The following RAI1 variants were observed in gnomAD, a reference collection of about 807,000 sequenced individuals.
RAI1 encodes retinoic acid-induced protein 1.
In RAI1, 9 loss-of-function variants were observed where a neutral mutation model predicts 123.8. The observed-to-expected ratio is 0.07, with a 90% CI of 0.04 to 0.13. The LOEUF is 0.13. Among genes scored for constraint, RAI1 ranks in the 10% least tolerant of loss-of-function variants. RAI1 has a pLI of 1.00. For synonymous variants in RAI1, 1,231 were observed against 1,127.3 expected, an observed-to-expected ratio of 1.09 and a Z score of -1.84; for missense variants, 2,256 against 2,545.8, an observed-to-expected ratio of 0.89 and a Z score of 2.45.
At chr17:17,778,978 T>C (rs2031459185) in intron 2 of RAI1, 1 of 445,668 alleles carries the variant, frequency 2.2e-6, no homozygotes, top group Non-Finnish European at 4.6e-6. Context: ...GCAGAAAGTA[T>C]TCTGTTCACT....
intron 1 of RAI1, among the ~76,000 whole-genome samples, chr17:17,695,721 C>T (rs959232292): frequency 6.6e-6 from 1 of 152,152 alleles, no homozygotes; most frequent in East Asian, 1.9e-4. Flanking sequence ...GAGGTTTCAC[C>T]TCGTTGGCCA....
chr17:17,768,155 A>G (rs1567887158), intron 2 of RAI1, among the ~76,000 whole-genome samples: 3 of 152,218 alleles, frequency 2.0e-5, no homozygotes. Context: ...TGCAGCATTC[A>G]GCAGAATGCC....
At chr17:17,717,714 G>A (rs1360090360) in intron 1 of RAI1, among the ~76,000 whole-genome samples, 2 of 152,152 alleles carry the variant, frequency 1.3e-5, no homozygotes, top group Non-Finnish European at 2.9e-5. Context: ...CCTCTTTTAA[G>A]TTCAGCAGAT....
At position 17,793,860 on chromosome 17, in the gene RAI1, T is replaced by C. The variant is rs1389070643; in HGVS notation, c.912T>C (p.His304=). Residue 304 remains histidine, a synonymous_variant, in exon 3 of 6, where the codon CAT becomes CAC. Coordinates refer to ENST00000353383, the MANE Select transcript of RAI1 (RefSeq NM_030665.4). ...QSRHHAQETL[H]YQNLAKYQHY... is the part of the protein sequence containing the mutation. Reference sequence around the variant, plus strand: ...GGCACCATGCCCAGGAAACCCTCCATTACCAAAACCTCGCCAAGTATCAGC... The same window carrying C: ...GGCACCATGCCCAGGAAACCCTCCACTACCAAAACCTCGCCAAGTATCAGC... 6.2e-7 allele frequency: 1 copy of C among 1,613,336 alleles called. No homozygotes were observed. The highest frequency in any genetic ancestry group is 2.2e-5 in the East Asian group (1 of 44,860).
chr17:17,741,082 AGCGC>A (rs66765962), intron 2 of RAI1, among the ~76,000 whole-genome samples: 1 of 150,106 alleles, frequency 6.7e-6, no homozygotes, highest in East Asian at 2.0e-4. Context: ...ATTCAGCACA[AGCGC>A]GCGCGCACAC....
chr17:17,740,956 G>A (rs973816075), intron 2 of RAI1, among the ~76,000 whole-genome samples: 2 of 149,774 alleles, frequency 1.3e-5, no homozygotes, highest in African/African-American at 5.0e-5. Context: ...GAGGCCGTGG[G>A]CGGGTGGGAG....
intron 2 of RAI1, among the ~76,000 whole-genome samples, chr17:17,739,773 G>A (rs1012941392): frequency 2.0e-5 from 3 of 152,140 alleles, no homozygotes; most frequent in Middle Eastern, 3.2e-3. Context: ...GTGGTGGTGC[G>A]GGGTGGTGAG....
rs1030980998 is a variant in RAI1 at position 17,794,976 on chromosome 17, C to T, written c.2028C>T (p.Gly676=). 5.0e-6 allele frequency: 8 copies of T among 1,613,800 alleles called. No individual in the cohort carries two copies. The Admixed American group carries it at 8.3e-5, about 17-fold the overall frequency. ...CCGACTCCTTGCAGCTGGACAAGGGCGGCAATGCCAAGGACTTCAGCCCAG... is the reference window on the plus strand; with the variant it reads ...CCGACTCCTTGCAGCTGGACAAGGGTGGCAATGCCAAGGACTTCAGCCCAG... ...ALPDSLQLDK[G]GNAKDFSPGL... Residue 676 remains glycine (G), a synonymous_variant, in exon 3 of 6, where the codon GGC becomes GGT. Transcript: ENST00000353383.
chr17:17,737,302 C>T (rs1916461484), intron 2 of RAI1, among the ~76,000 whole-genome samples: 1 of 152,136 alleles, frequency 6.6e-6, no homozygotes, highest in Admixed American at 6.5e-5. Context: ...GGCCCAGAGA[C>T]CCCACCTGTG....
intron 2 of RAI1, among the ~76,000 whole-genome samples, chr17:17,769,995 C>CG (rs570300238): frequency 3.8e-4 from 58 of 152,028 alleles, no homozygotes; most frequent in South Asian, 1.0e-3. Flanking sequence ...GGCGGGTGAG[C>CG]GGGGGGGCCC....
chr17:17,785,583 G>GC, intron 2 of RAI1, among the ~76,000 whole-genome samples: 1 of 152,308 alleles, frequency 6.6e-6, no homozygotes. Flanking sequence ...AGTTGGGGTG[G>GC]CGCCTCGCCC....
At chr17:17,720,179 G>A (rs560632438) in intron 1 of RAI1, among the ~76,000 whole-genome samples, 2 of 152,272 alleles carry the variant, frequency 1.3e-5, no homozygotes, top group South Asian at 4.1e-4. Context: ...AACAGCTCCT[G>A]TTTACTATTT....
chr17:17,736,201 C>T (rs1445107452), intron 2 of RAI1, among the ~76,000 whole-genome samples: 2 of 152,088 alleles, frequency 1.3e-5, no homozygotes, highest in East Asian at 1.9e-4. Flanking sequence ...GTGGCTAGAA[C>T]GTGTCTGGAG....
intron 2 of RAI1, among the ~76,000 whole-genome samples, chr17:17,746,634 C>CTTTTTTT (rs377692656): frequency 2.5e-4 from 30 of 120,382 alleles, no homozygotes; most frequent in Non-Finnish European, 3.8e-4. Flanking sequence ...CTTTTCTTTT[C>CTTTTTTT]TTTTTTTTTT....
chr17:17,751,661 T>C (rs1479701929), intron 2 of RAI1, among the ~76,000 whole-genome samples: 1 of 152,202 alleles, frequency 6.6e-6, no homozygotes, highest in East Asian at 1.9e-4. Context: ...GCCTTGGGCC[T>C]TTGCACGCAC....
chr17:17,760,651 C>G (rs1341495344), intron 2 of RAI1, among the ~76,000 whole-genome samples: 2 of 152,364 alleles, frequency 1.3e-5, no homozygotes, highest in East Asian at 3.9e-4. Flanking sequence ...GCTGTGGGGC[C>G]TGGGCCTTGG....
intron 1 of RAI1, among the ~76,000 whole-genome samples, chr17:17,689,942 C>G (rs1318023264): frequency 1.3e-5 from 2 of 152,184 alleles, no homozygotes; most frequent in African/African-American, 4.8e-5. Context: ...CAAAGCCCCC[C>G]AACTCCTTGA....
rs199832665 is a variant in RAI1 at position 17,794,655 on chromosome 17, C to T, written c.1707C>T (p.Asp569=). 24 of 1,612,962 alleles carry T rather than the reference C, an allele frequency of 1.5e-5. No individual in the cohort carries two copies. Among genetic ancestry groups the T allele is most frequent in the African/African-American group, 1.5e-4 (11 of 75,068 alleles). Residue 569 remains aspartate, a synonymous_variant, in exon 3 of 6, where the codon GAC becomes GAT. Transcript: ENST00000353383. ...CTGACGACATGTCCACCAAATCTGA[C>T]GACTCCTTCCAGAGCCTACACGGCA... The part of the protein sequence containing the change: ...TSPDDMSTKS[D]DSFQSLHGSL...
intron 1 of RAI1, among the ~76,000 whole-genome samples, chr17:17,703,831 C>G (rs1438992295): frequency 1.3e-5 from 2 of 152,138 alleles, no homozygotes; most frequent in African/African-American, 2.4e-5. Context: ...CTCCACCAAC[C>G]CCTTTTCTTT....
Sources: allele counts gnomAD v4.1 joint callset (sites outside exome capture counted in the v4.1 genomes callset), GRCh38; gene constraint gnomAD v4.1.1; transcripts MANE v1.5; gene names NCBI Gene and HGNC (gene_info 2026-07-23, HGNC 2026-07-21).